Variants in SPTBN4 observed in about 807,000 individuals in gnomAD.
The protein encoded by SPTBN4 is spectrin beta, non-erythrocytic 4, also known as spectrin beta chain, non-erythrocytic 4.
A neutral mutation model predicts 277.8 loss-of-function variants in SPTBN4; 96 were observed. That is an observed-to-expected ratio of 0.35 (90% CI 0.29 to 0.41). The LOEUF (loss-of-function observed/expected upper bound fraction) is 0.41. SPTBN4 is among the 10% of genes least tolerant of loss of function. SPTBN4 has a pLI of 1.00. For synonymous variants in SPTBN4, 1,481 were observed against 1,580.3 expected, an observed-to-expected ratio of 0.94 and a Z score of 1.49; for missense variants, 3,006 against 3,595.7, an observed-to-expected ratio of 0.84 and a Z score of 4.19.
intron 1 of SPTBN4, among the ~76,000 whole-genome samples, chr19:40,467,928 G>A (rs2079844718): frequency 6.6e-6 from 1 of 152,122 alleles, no homozygotes; most frequent in South Asian, 2.1e-4. Flanking sequence ...CTCCAGAAGA[G>A]GCAAATCGAT....
chr19:40,504,146 GGCGGGGATGCGGGT>G lies in SPTBN4; in HGVS notation c.1665+16_1665+29del. On this transcript the variant is annotated intron_variant, in intron 12 of 35. Coordinates refer to ENST00000598249, the MANE Select transcript of SPTBN4 (RefSeq NM_020971.3). ...GAGGAGATGCAGGTGCCGGCGGGGGGGCGGGGATGCGGGTGGAGTGCCAGGAGGGAGGGGAGGAT... is the reference window on the plus strand; with the variant it reads ...GAGGAGATGCAGGTGCCGGCGGGGGGGGAGTGCCAGGAGGGAGGGGAGGAT... The G allele has an allele frequency of 3.5e-6, 4 of 1,135,652 alleles. No homozygotes were observed. Among genetic ancestry groups the G allele is most frequent in the Non-Finnish European group, 5.1e-6 (4 of 781,516 alleles). The allele number at this position is 1,135,652 out of a possible 1,614,324, so 70.3% of individuals were successfully genotyped here.
chr19:40,530,670 C>G, intron 18 of SPTBN4: 1 of 775,626 alleles, frequency 1.3e-6, no homozygotes, highest in Non-Finnish European at 1.6e-6. Context: ...CGCGTGCCCG[C>G]CCGTCGTGGC....
At chr19:40,575,113 G>T (rs2081189169) in intron 35 of SPTBN4, among the ~76,000 whole-genome samples, 1 of 152,036 alleles carries the variant, frequency 6.6e-6, no homozygotes, top group Non-Finnish European at 1.5e-5. Context: ...TTAGCACAGG[G>T]CCTAGTAAAT....
At chr19:40,549,530 A>G in intron 21 of SPTBN4, 117 bp downstream of exon 21, 1 of 756,832 alleles carries the variant, frequency 1.3e-6, no homozygotes, top group Non-Finnish European at 2.0e-6. Context: ...ATACGCTGAA[A>G]GACGCATTCA....
At chr19:40,528,555 T>G (rs2080622248) in intron 17 of SPTBN4, among the ~76,000 whole-genome samples, 1 of 151,984 alleles carries the variant, frequency 6.6e-6, no homozygotes, top group South Asian at 2.1e-4. Context: ...CTGACCGGAC[T>G]CCTCCTGTCA....
chr19:40,563,738 G>T (rs1303481467), intron 27 of SPTBN4, among the ~76,000 whole-genome samples: 1 of 140,830 alleles, frequency 7.1e-6, no homozygotes, highest in Non-Finnish European at 1.5e-5. Flanking sequence ...CCAAAACAAA[G>T]AAACAAAACT....
rs199919658 is a variant in SPTBN4 at position 40,513,372 on chromosome 19, G to A, written c.2583G>A (p.Gln861=). The change falls in exon 14 of 36, where the codon CAG becomes CAA. Residue 861 remains glutamine (Q), a synonymous_variant. Transcript: ENST00000598249. ...AGGTGCGCGTGGTGGAAGCAGAGCA[G>A]TTGTTCGCTGAGGTGACCGAAGTGG... ...ALQVRVVEAE[Q]LFAEVTEVAA... The A allele has an allele frequency of 2.1e-5, 33 of 1,602,392 alleles. No individual in the cohort carries two copies. In the Middle Eastern group the frequency reaches 6.6e-4, roughly 32 times the overall value.
At chr19:40,533,589 C>T (rs1337118340) in intron 19 of SPTBN4, among the ~76,000 whole-genome samples, 1 of 152,176 alleles carries the variant, frequency 6.6e-6, no homozygotes, top group Non-Finnish European at 1.5e-5. Context: ...TAAATGGTGG[C>T]ATATGGCGAA....
chr19:40,545,904 G>C (rs373077104), intron 20 of SPTBN4, among the ~76,000 whole-genome samples: 2 of 152,074 alleles, frequency 1.3e-5, no homozygotes, highest in African/African-American at 2.4e-5. Context: ...TTAGTCAGGC[G>C]TGGTGGTGGG....
chr19:40,560,032 G>C lies in SPTBN4; in HGVS notation c.5671-127G>C. ...AAATCAGGCAGCAGATATGACAGGAGCCTGGCTGTGGGATCACAGTGTGAG... is the reference window on the plus strand; with the variant it reads ...AAATCAGGCAGCAGATATGACAGGACCCTGGCTGTGGGATCACAGTGTGAG... On this transcript the variant is annotated intron_variant, in intron 26 of 35. Coordinates refer to ENST00000598249, the MANE Select transcript of SPTBN4 (RefSeq NM_020971.3). This position sits in a 1 kb window ranked among gnomAD's most constrained non-coding sequence, Gnocchi z 5.2. 2 of 1,432,680 alleles carry C rather than the reference G, an allele frequency of 1.4e-6. No individual in the cohort carries two copies. The highest frequency in any genetic ancestry group is 1.8e-6 in the Non-Finnish European group (2 of 1,097,316). The allele number at this position is 1,432,680 out of a possible 1,614,324, so 88.7% of individuals were successfully genotyped here. A position where few individuals can be genotyped will look rare whatever the true frequency, so the allele number is the denominator to read the frequency against.
chr19:40,565,455 A>G lies in SPTBN4; in HGVS notation c.5948A>G (p.Tyr1983Cys). ...TCATCAGTGGAGGTGCTCATGAACTACCACCAGGGCCTGAAGACTGAGCTG... is the reference window on the plus strand; with the variant it reads ...TCATCAGTGGAGGTGCTCATGAACTGCCACCAGGGCCTGAAGACTGAGCTG... Reference protein sequence around the residue: ...DVSSVEVLMNYHQGLKTELEA... With the variant: ...DVSSVEVLMNCHQGLKTELEA... Residue 1983 changes from tyrosine to cysteine, a missense_variant, in exon 28 of 36, where the codon TAC becomes TGC. This residue lies in a region of SPTBN4 where 425 missense variants were observed against 594.7 expected (regional missense o/e 0.71). Transcript: ENST00000598249. 1 of 1,614,006 alleles carries G rather than the reference A, an allele frequency of 6.2e-7. No individual in the cohort carries two copies. The highest frequency in any genetic ancestry group is 1.1e-5 in the South Asian group (1 of 91,072).
intron 20 of SPTBN4, among the ~76,000 whole-genome samples, chr19:40,535,894 AG>A (rs1026447658): frequency 6.6e-6 from 1 of 152,126 alleles, no homozygotes; most frequent in African/African-American, 2.4e-5. Flanking sequence ...GGGGAGGCAG[AG>A]GTTGCAGTGA....
rs146837860 is a variant in SPTBN4, at chr19:40,567,803, C to G, written c.6477C>G (p.Pro2159=). 13 of 1,508,742 alleles carry G rather than the reference C, an allele frequency of 8.6e-6. No homozygotes were observed. Among genetic ancestry groups the G allele is most frequent in the Non-Finnish European group, 1.2e-5 (13 of 1,126,950 alleles). The allele number at this position is 1,508,742 out of a possible 1,614,324, so 93.5% of individuals were successfully genotyped here. A position where few individuals can be genotyped will look rare whatever the true frequency, so the allele number is the denominator to read the frequency against. Residue 2159 remains proline, a synonymous_variant, in exon 31 of 36, where the codon CCC becomes CCG. Transcript: ENST00000598249. ...RPGGYERGLE[P]LARRASDTLS... ...GGGGCTATGAAAGGGGCTTGGAGCC[C>G]CTGGCCCGCCGAGCCTCGGACACGC...
At chr19:40,540,452 G>A (rs1422288119) in intron 20 of SPTBN4, among the ~76,000 whole-genome samples, 1 of 151,696 alleles carries the variant, frequency 6.6e-6, no homozygotes. Flanking sequence ...ATGTTACCCA[G>A]GCTGGTCACA....
At position 40,563,711 on chromosome 19, in the gene SPTBN4, CTCA is replaced by C. The variant is rs1568378220; in HGVS notation, c.5916-1711_5916-1709del. ...CCTAGGTGACAGAAGGAGACTCCAT[CTCA>C]AAAACAACAACAACCAAAACAAAGA... On this transcript the variant is annotated intron_variant, in intron 27 of 35. Coordinates refer to ENST00000598249, the MANE Select transcript of SPTBN4 (RefSeq NM_020971.3). Among the ~76,000 whole-genome samples, 8 of 150,310 alleles carry C rather than the reference CTCA, an allele frequency of 5.3e-5. No individual in the cohort carries two copies. The South Asian group carries it at 1.7e-3, about 32-fold the overall frequency.
In SPTBN4 at chr19:40,567,758, G is replaced by A. The variant is rs1486805374; in HGVS notation, c.6432G>A (p.Ala2144=). The A allele has an allele frequency of 6.5e-7, 1 of 1,543,236 alleles. No individual in the cohort carries two copies. The highest frequency in any genetic ancestry group is 2.5e-5 in the East Asian group (1 of 39,492). The part of the protein sequence containing the change: ...FGDPTELAAK[A]APLLRPGGYE... ...ACCCCACGGAACTGGCGGCCAAGGC[G>A]GCGCCCCTGCTGCGGCCAGGGGGCT... The change falls in exon 31 of 36, where the codon GCG becomes GCA. Residue 2144 remains alanine, a synonymous_variant. Transcript: ENST00000598249.
rs150395357 is a variant in SPTBN4 at position 40,477,416 on chromosome 19, A to G, written c.169+4626A>G. Among the ~76,000 whole-genome samples the G allele has an allele frequency of 4.9e-3, 739 of 152,236 alleles. 9 individuals are homozygous for G. Among genetic ancestry groups the G allele is most frequent in the Non-Finnish European group, 4.9e-3 (330 of 68,022 alleles). ...TCATGCTGGACAACATGAGGGGCATAGTGGTGACTGAGGCAGCCTGGGTCC... is the reference window on the plus strand; with the variant it reads ...TCATGCTGGACAACATGAGGGGCATGGTGGTGACTGAGGCAGCCTGGGTCC... On this transcript the variant is annotated intron_variant, in intron 2 of 35. Coordinates refer to ENST00000598249, the MANE Select transcript of SPTBN4 (RefSeq NM_020971.3).
intron 13 of SPTBN4, among the ~76,000 whole-genome samples, chr19:40,512,079 C>T (rs141325039): frequency 0.012 from 1,866 of 152,130 alleles, 38 homozygotes; most frequent in African/African-American, 0.043. Flanking sequence ...ACCGAGATCG[C>T]GCTACTGCAC....
chr19:40,513,204 A>G lies in SPTBN4; in HGVS notation c.2415A>G (p.Glu805=), dbSNP rs932410755. The change falls in exon 14 of 36, where the codon GAA becomes GAG. Residue 805 remains glutamate (E), a synonymous_variant. Transcript: ENST00000598249. ...LAAAGDFGHD[E]ASSRRLARQH... is the part of the protein sequence containing the mutation. ...CCGCCGGTGACTTCGGCCACGACGA[A>G]GCTTCCAGCCGCCGCCTGGCGCGCC... 562 of 1,504,822 alleles carry G rather than the reference A, an allele frequency of 3.7e-4. No homozygotes were observed. Among genetic ancestry groups the G allele is most frequent in the Non-Finnish European group, 4.6e-4 (523 of 1,135,074 alleles). 93.2% of individuals were successfully genotyped at this position (1,504,822 alleles called of 1,614,324 possible).
Sources: allele counts gnomAD v4.1 joint callset (sites outside exome capture counted in the v4.1 genomes callset), GRCh38; gene constraint gnomAD v4.1.1; regional missense constraint gnomAD v4.1.1; non-coding constraint Gnocchi (gnomAD v3.1); transcripts MANE v1.5; gene names NCBI Gene and HGNC (gene_info 2026-07-23, HGNC 2026-07-21).